The following XRRA1 variants were observed in gnomAD, a reference collection of about 807,000 sequenced individuals.
The protein encoded by XRRA1 is X-ray radiation resistance associated 1.
XRRA1 carries 69 observed loss-of-function variants against 80.2 expected under a neutral mutation model. That is an observed-to-expected ratio of 0.86 (90% CI 0.71 to 1.05). The LOEUF is 1.05. Among genes scored for constraint, XRRA1 ranks in the 50% least tolerant of loss-of-function variants. The pLI is 0.00. For missense variants in XRRA1, 967 were observed against 976.4 expected, an observed-to-expected ratio of 0.99 and a Z score of 0.13; for synonymous variants, 348 against 389.9, an observed-to-expected ratio of 0.89 and a Z score of 1.27.
intron 8 of XRRA1, among the ~76,000 whole-genome samples, chr11:74,917,407 G>A (rs1028457098): frequency 2.6e-5 from 4 of 152,168 alleles, no homozygotes; most frequent in African/African-American, 9.7e-5. Context: ...TTTTAATAGA[G>A]TGTGAAGATT....
At chr11:74,939,630 A>G (rs1342574109) in intron 3 of XRRA1, among the ~76,000 whole-genome samples, 1 of 152,196 alleles carries the variant, frequency 6.6e-6, no homozygotes, top group Non-Finnish European at 1.5e-5. Flanking sequence ...TCCTGCAAAC[A>G]ACTATTTCTC....
intron 8 of XRRA1, among the ~76,000 whole-genome samples, chr11:74,914,708 CTTTTT>C (rs67132744): frequency 5.1e-5 from 7 of 137,794 alleles, no homozygotes; most frequent in Non-Finnish European, 9.5e-5. Context: ...TGCAGATAAC[CTTTTT>C]TTTTTTTTTT....
intron 10 of XRRA1, among the ~76,000 whole-genome samples, chr11:74,904,492 C>A (rs758601391): frequency 2.7e-5 from 4 of 150,486 alleles, no homozygotes; most frequent in Non-Finnish European, 5.9e-5. Flanking sequence ...TTTAGGGTAA[C>A]CATTAGAGAT....
intron 10 of XRRA1, 85 bp downstream of exon 10, chr11:74,906,154 G>T: frequency 1.5e-6 from 2 of 1,298,874 alleles, no homozygotes; most frequent in South Asian, 2.8e-5. Context: ...TATTCACCAT[G>T]ACCAAGTGAG....
At chr11:74,865,258 C>T (rs1002500448) in intron 10 of XRRA1, among the ~76,000 whole-genome samples, 1 of 152,178 alleles carries the variant, frequency 6.6e-6, no homozygotes, top group African/African-American at 2.4e-5. Context: ...ACTGGGCTCT[C>T]CAGCCTCTAC....
intron 8 of XRRA1, among the ~76,000 whole-genome samples, chr11:74,918,436 A>G (rs542269178): frequency 6.6e-6 from 1 of 152,328 alleles, no homozygotes; most frequent in African/African-American, 2.4e-5. Context: ...TCATCCAGCA[A>G]TGGCTACAGT....
At chr11:74,883,009 C>T (rs1308539993) in intron 10 of XRRA1, among the ~76,000 whole-genome samples, 3 of 152,230 alleles carry the variant, frequency 2.0e-5, no homozygotes, top group Non-Finnish European at 2.9e-5. Context: ...CAGAGACAGG[C>T]AGGCCTCCTT....
intron 10 of XRRA1, among the ~76,000 whole-genome samples, chr11:74,871,022 T>A (rs2044657457): frequency 6.6e-6 from 1 of 152,164 alleles, no homozygotes; most frequent in Admixed American, 6.5e-5. Context: ...CAGGCCATAA[T>A]AGCAGTATAG....
At chr11:74,891,118 C>T (rs1412905425) in intron 10 of XRRA1, among the ~76,000 whole-genome samples, 2 of 152,156 alleles carry the variant, frequency 1.3e-5, no homozygotes, top group East Asian at 3.9e-4. Context: ...TATTTTAGAC[C>T]AATATCCCTG....
At chr11:74,906,203 G>A (rs1313330351) in intron 10 of XRRA1, 36 bp downstream of exon 10, 10 of 1,582,838 alleles carry the variant, frequency 6.3e-6, no homozygotes, top group Admixed American at 1.7e-5. Flanking sequence ...TTTCCACCAT[G>A]AGGGTAGAAT....
At chr11:74,870,640 T>C (rs904959677) in intron 10 of XRRA1, among the ~76,000 whole-genome samples, 1 of 152,210 alleles carries the variant, frequency 6.6e-6, no homozygotes, top group Admixed American at 6.5e-5. Flanking sequence ...CCGCTTGCTC[T>C]GGAGATCACA....
At chr11:74,935,710 T>C (rs1045715306) in intron 4 of XRRA1, among the ~76,000 whole-genome samples, 4 of 152,150 alleles carry the variant, frequency 2.6e-5, no homozygotes, top group Admixed American at 6.5e-5. Context: ...AGTAGGAGCA[T>C]TGGTGCTGTA....
chr11:74,892,281 C>G (rs1271814244), intron 10 of XRRA1, among the ~76,000 whole-genome samples: 2 of 152,116 alleles, frequency 1.3e-5, no homozygotes, highest in Non-Finnish European at 2.9e-5. Context: ...CTTTGACAAA[C>G]CTGACAAAAA....
At chr11:74,859,036 C>G in intron 12 of XRRA1, 122 bp downstream of exon 12, 6 of 1,324,300 alleles carry the variant, frequency 4.5e-6, no homozygotes, top group Non-Finnish European at 5.9e-6. Context: ...CCTGAGAATT[C>G]CTGAGCCCAT....
rs1046196823 is a variant in XRRA1, at chr11:74,844,242, G to C, written c.1969C>G (p.His657Asp). 1.4e-5 allele frequency: 23 copies of C among 1,613,548 alleles called. No individual in the cohort carries two copies. Among genetic ancestry groups the C allele is most frequent in the Non-Finnish European group, 1.9e-5 (23 of 1,179,860 alleles). Residue 657 changes from histidine (H) to aspartate (D), a missense_variant, in exon 17 of 19, where the codon CAC (histidine) becomes GAC (aspartate). Coordinates refer to ENST00000684022, the MANE Select transcript of XRRA1 (RefSeq NM_001378157.1). The stretch of plus-strand genomic sequence containing the variant: ...TTGGAGGAGTGGCACAGGAGTGGGT[G>C]CTTCAGCATTTGTTGCAGGGCTTGT... The part of the protein sequence containing the change: ...NAQALQQMLK[H>D]PLLCHSSKPK...
chr11:74,927,543 G>A (rs1214195199), intron 6 of XRRA1, 55 bp from the exon 7 acceptor site: 28 of 1,218,724 alleles, frequency 2.3e-5, no homozygotes, highest in Middle Eastern at 1.9e-4. Flanking sequence ...TTAAGAGAAA[G>A]ATATTAATAA....
At chr11:74,947,550 A>C (rs1405122388) in intron 1 of XRRA1, among the ~76,000 whole-genome samples, 1 of 152,122 alleles carries the variant, frequency 6.6e-6, no homozygotes, top group Non-Finnish European at 1.5e-5. Flanking sequence ...AAAATAAAAA[A>C]TAAAATAAAA....
intron 10 of XRRA1, among the ~76,000 whole-genome samples, chr11:74,888,240 C>A (rs1285878098): frequency 6.6e-6 from 1 of 152,202 alleles, no homozygotes; most frequent in Non-Finnish European, 1.5e-5. Context: ...GAGGAACGAT[C>A]AAGCAGCAAC....
chr11:74,840,979 C>T lies in XRRA1; in HGVS notation c.*2221G>A, dbSNP rs2036444259. On this transcript the variant is annotated 3_prime_UTR_variant, in exon 19 of 19. Coordinates refer to ENST00000684022, the MANE Select transcript of XRRA1 (RefSeq NM_001378157.1). ...ATAGTTTTTTCTTCCTGATTTTTTTCAGTTAGTTAGAGTTAAATGTACCTA... is the reference window on the plus strand; with the variant it reads ...ATAGTTTTTTCTTCCTGATTTTTTTTAGTTAGTTAGAGTTAAATGTACCTA... 6.6e-6 allele frequency: 1 copy of T among 151,712 alleles called. No homozygotes were observed. The highest frequency in any genetic ancestry group is 1.5e-5 in the Non-Finnish European group (1 of 67,932). The allele number at this position is 151,712 out of a possible 1,614,324, so 9.4% of individuals were successfully genotyped here. A position where few individuals can be genotyped will look rare whatever the true frequency, so the allele number is the denominator to read the frequency against.
Sources: gnomAD v4.1 joint callset for allele counts (sites outside exome capture counted in the v4.1 genomes callset) on GRCh38, gnomAD v4.1.1 for gene constraint, MANE v1.5 for transcripts, NCBI Gene and HGNC (gene_info 2026-07-23, HGNC 2026-07-21) for gene names.